RHOBTB2: variants seen among roughly 807,000 people sequenced by gnomAD.
RHOBTB2 encodes the protein Rho related BTB domain containing 2, also known as rho-related BTB domain-containing protein 2.
In RHOBTB2, 39 loss-of-function variants were observed where a neutral mutation model predicts 66.5. That is an observed-to-expected ratio of 0.59 (90% CI 0.45 to 0.77). The LOEUF (loss-of-function observed/expected upper bound fraction) is 0.77. RHOBTB2 is among the 30% of genes least tolerant of loss of function. RHOBTB2 has a pLI of 0.00. For synonymous variants in RHOBTB2, 390 were observed against 395.0 expected (o/e 0.99, Z 0.15); for missense variants, 755 against 999.1 (o/e 0.76, Z 3.29).
the RHOBTB2 span, among the ~76,000 whole-genome samples, chr8:22,971,233 G>T: frequency 6.6e-6 from 1 of 151,874 alleles, no homozygotes; most frequent in African/African-American, 2.4e-5. Context: ...CACCCAGGCT[G>T]CAGTGCAGTG....
At chr8:22,990,316 G>A (rs1459039839) in intron 1 of RHOBTB2, among the ~76,000 whole-genome samples, 1 of 152,184 alleles carries the variant, frequency 6.6e-6, no homozygotes, top group Non-Finnish European at 1.5e-5. Context: ...TGGCCCAGAA[G>A]GGCTGCTGGT....
intron 2 of RHOBTB2, among the ~76,000 whole-genome samples, chr8:22,993,271 C>A (rs943404378): frequency 6.6e-6 from 1 of 152,122 alleles, no homozygotes; most frequent in Non-Finnish European, 1.5e-5. Flanking sequence ...GAGATCCTCC[C>A]GCCTCAGCCT....
the RHOBTB2 span, among the ~76,000 whole-genome samples, chr8:22,973,662 G>T: frequency 6.6e-6 from 1 of 152,308 alleles, no homozygotes; most frequent in South Asian, 2.1e-4. Context: ...TGAATGAATG[G>T]AGAAATGGGT....
the RHOBTB2 span, among the ~76,000 whole-genome samples, chr8:22,953,139 C>G: frequency 1.3e-5 from 2 of 152,296 alleles, no homozygotes; most frequent in Non-Finnish European, 1.5e-5. Context: ...GGCGTGTTTA[C>G]TGGAGTTATA....
At position 23,007,324 on chromosome 8, in the gene RHOBTB2, C is replaced by A; in HGVS notation, c.1079C>A (p.Ala360Asp). ...SVDEAGGSGP[A>D]GLRASTSDGI... ...GATGAGGCTGGGGGCTCCGGTCCTGCTGGCCTCCGTGCTTCCACCAGCGAC... is the reference window on the plus strand; with the variant it reads ...GATGAGGCTGGGGGCTCCGGTCCTGATGGCCTCCGTGCTTCCACCAGCGAC... The change falls in exon 5 of 10, where the codon GCT (alanine) becomes GAT (aspartate). Residue 360 changes from alanine to aspartate, a missense_variant. By Grantham distance (126) the Ala-to-Asp change is moderately radical. Transcript: ENST00000251822. The A allele has an allele frequency of 6.2e-7, 1 of 1,613,684 alleles. No individual in the cohort carries two copies. The highest frequency in any genetic ancestry group is 8.5e-7 in the Non-Finnish European group (1 of 1,179,816).
chr8:22,967,328 G>A, the RHOBTB2 span, among the ~76,000 whole-genome samples: 2 of 152,208 alleles, frequency 1.3e-5, no homozygotes, highest in Non-Finnish European at 2.9e-5. Context: ...GTAAATACTG[G>A]CTGGGCATGG....
chr8:23,014,986 T>C (rs2472564), intron 8 of RHOBTB2, among the ~76,000 whole-genome samples: 138,109 of 152,142 alleles, frequency 0.91, 62,720 homozygotes, highest in East Asian at 0.98. Flanking sequence ...GCTGACCAAG[T>C]GGGGAAGGGA....
upstream of RHOBTB2, among the ~76,000 whole-genome samples, chr8:22,998,386 G>A (rs1810637633): frequency 6.6e-6 from 1 of 152,150 alleles, no homozygotes; most frequent in Admixed American, 6.5e-5. Context: ...TTGTCCAGAG[G>A]TAACTGAGGA....
chr8:22,971,231 C>T, the RHOBTB2 span, among the ~76,000 whole-genome samples: 1 of 151,838 alleles, frequency 6.6e-6, no homozygotes, highest in Non-Finnish European at 1.5e-5. Flanking sequence ...GTCACCCAGG[C>T]TGCAGTGCAG....
Position 23,002,902 on chromosome 8 carries a change from G to A in RHOBTB2, c.-10-1523G>A, listed in dbSNP as rs78207952. Among the ~76,000 whole-genome samples, 754 of 152,288 alleles carry A rather than the reference G, an allele frequency of 5.0e-3. 5 individuals are homozygous for A. Among genetic ancestry groups the A allele is most frequent in the Non-Finnish European group, 8.7e-3 (589 of 68,022 alleles). On this transcript the variant is annotated intron_variant, in intron 1 of 9. Coordinates refer to ENST00000251822, the MANE Select transcript of RHOBTB2 (RefSeq NM_015178.3). ...TTAGGTTGCTGAGATGCATCCACTC[G>A]CACGGATCCCAGTTGCTATCGTTAC...
At chr8:23,008,223 G>T (rs934471989) in intron 6 of RHOBTB2, 112 bp downstream of exon 6, 12 of 742,484 alleles carry the variant, frequency 1.6e-5, no homozygotes, top group Non-Finnish European at 2.3e-6. Context: ...CTAACCACAG[G>T]GTGATGGGCC....
chr8:23,007,924 G>C, intron 5 of RHOBTB2, 69 bp from the exon 6 acceptor site: 5 of 1,523,260 alleles, frequency 3.3e-6, no homozygotes, highest in Non-Finnish European at 4.5e-6. Flanking sequence ...AGGAGGCTCC[G>C]TGGCTCCCCT....
the RHOBTB2 span, among the ~76,000 whole-genome samples, chr8:22,953,041 T>C: frequency 7.9e-4 from 121 of 152,266 alleles, no homozygotes; most frequent in African/African-American, 2.8e-3. Flanking sequence ...TTCTGGGGAA[T>C]TGCATCCCTT....
the RHOBTB2 span, among the ~76,000 whole-genome samples, chr8:22,954,272 G>A: frequency 3.3e-5 from 5 of 152,174 alleles, no homozygotes; most frequent in South Asian, 4.1e-4. Context: ...TTCCACAGCA[G>A]GAAAGGGAAT....
rs577505708 is a variant in RHOBTB2, at chr8:23,017,718, G to A, written c.*249G>A. The stretch of plus-strand genomic sequence containing the variant: ...GGACGGGAGACAACTGCTTGGAGGA[G>A]CGAAGAGCCCTGGCATTTTATCTCT... On this transcript the variant is annotated 3_prime_UTR_variant, in exon 10 of 10. Transcript: ENST00000251822. The surrounding 1 kb of genome is among the most constrained non-coding windows in gnomAD (Gnocchi z 5.3). The A allele has an allele frequency of 3.6e-6, 2 of 554,994 alleles. No individual in the cohort carries two copies. Among genetic ancestry groups the A allele is most frequent in the African/African-American group, 3.8e-5 (2 of 53,314 alleles). The allele number at this position is 554,994 out of a possible 1,614,324, so 34.4% of individuals were successfully genotyped here. A position where few individuals can be genotyped will look rare whatever the true frequency, so the allele number is the denominator to read the frequency against.
chr8:23,006,038 A>T lies in RHOBTB2; in HGVS notation c.375A>T (p.Glu125Asp). The change falls in exon 4 of 10, where the codon GAA (glutamate) becomes GAT (aspartate). Residue 125 changes from glutamate (E) to aspartate (D), a missense_variant. Glu to Asp is a conservative substitution (Grantham distance 45). Around this residue, in one of 7 missense-constraint regions of RHOBTB2, gnomAD observed 33 missense variants for 36.0 expected, o/e 0.92. Transcript: ENST00000251822. This position sits in a 1 kb window ranked among gnomAD's most constrained non-coding sequence, Gnocchi z 6.1. ...ATGTCAAGACCATGTGGTACCCAGA[A>T]ATCAAGCACTTCTGCCCCCGAGCAC... ...LHHVKTMWYP[E>D]IKHFCPRAPV... The T allele has an allele frequency of 6.2e-7, 1 of 1,613,190 alleles. No individual in the cohort carries two copies. The highest frequency in any genetic ancestry group is 8.5e-7 in the Non-Finnish European group (1 of 1,179,774).
rs1275168021 is a variant in RHOBTB2 at position 23,010,664 on chromosome 8, C to G, written c.1747C>G (p.Leu583Val). The G allele has an allele frequency of 1.9e-6, 3 of 1,614,206 alleles. 1 individual carries two copies. The South Asian group carries it at 3.3e-5, about 18-fold the overall frequency. The change falls in exon 7 of 10, where the codon CTG becomes GTG. Residue 583 changes from leucine to valine, a missense_variant. By Grantham distance (32) the Leu-to-Val change is conservative (BLOSUM62 1). Around this residue, in one of 7 missense-constraint regions of RHOBTB2, gnomAD observed 353 missense variants for 458.2 expected, o/e 0.77. Transcript: ENST00000251822. Reference protein sequence around the residue: ...KLIILANRLCLPHLVALTEQY... With the variant: ...KLIILANRLCVPHLVALTEQY... ...CATCATTCTAGCCAACCGCCTCTGC[C>G]TGCCACACCTGGTTGCCCTCACAGG...
chr8:23,011,001 G>A (rs1269796889), intron 7 of RHOBTB2, among the ~76,000 whole-genome samples: 3 of 152,220 alleles, frequency 2.0e-5, no homozygotes, highest in East Asian at 1.9e-4. Flanking sequence ...AGGCCAAGGC[G>A]GGAGGATCAC....
rs1322396375 is a variant in RHOBTB2, at chr8:23,019,428, C to G, written c.*1959C>G. 2.0e-5 allele frequency: 3 copies of G among 152,442 alleles called. No individual in the cohort carries two copies. The highest frequency in any genetic ancestry group is 2.0e-4 in the Admixed American group (3 of 15,288). The allele number at this position is 152,442 out of a possible 1,614,324, so 9.4% of individuals were successfully genotyped here. On this transcript the variant is annotated 3_prime_UTR_variant, in exon 10 of 10. Coordinates refer to ENST00000251822, the MANE Select transcript of RHOBTB2 (RefSeq NM_015178.3). Reference sequence around the variant, plus strand: ...GCCCTCTACAGGCTGCTCGGCCTCCCTGCAGCTCAGCGCAGCCCAGGGCTC... The same window carrying G: ...GCCCTCTACAGGCTGCTCGGCCTCCGTGCAGCTCAGCGCAGCCCAGGGCTC...
Sources: gnomAD v4.1 joint callset for allele counts (sites outside exome capture counted in the v4.1 genomes callset) on GRCh38, gnomAD v4.1.1 for gene constraint, gnomAD v4.1.1 regional missense constraint, Gnocchi (gnomAD v3.1) non-coding constraint, MANE v1.5 for transcripts, NCBI Gene and HGNC (gene_info 2026-07-23, HGNC 2026-07-21) for gene names.